USP20: variants seen among roughly 807,000 people sequenced by gnomAD.
USP20 encodes ubiquitin carboxyl-terminal hydrolase 20.
In USP20, 80 loss-of-function variants were observed where a neutral mutation model predicts 124.2. The ratio of observed to expected loss-of-function variants is 0.64; its 90% confidence interval spans 0.54 to 0.78. The LOEUF (loss-of-function observed/expected upper bound fraction) is 0.78. USP20 is among the 30% of genes least tolerant of loss of function. The pLI is 0.00. For missense variants in USP20, 1,043 were observed against 1,244.4 expected (o/e 0.84, Z 2.44); for synonymous variants, 481 against 512.3 (o/e 0.94, Z 0.83).
At chr9:129,840,102 C>A (rs1260418794) in intron 1 of USP20, among the ~76,000 whole-genome samples, 1 of 148,984 alleles carries the variant, frequency 6.7e-6, no homozygotes, top group Non-Finnish European at 1.5e-5. Flanking sequence ...GCGGGGCACA[C>A]GCTGCACCTT....
At position 129,862,830 on chromosome 9, in the gene USP20, C is replaced by T. The variant is rs371394815; in HGVS notation, c.498-356C>T. Among the ~76,000 whole-genome samples, 18 of 151,894 alleles carry T rather than the reference C, an allele frequency of 1.2e-4. No individual in the cohort carries two copies. The East Asian group carries it at 2.5e-3, about 21-fold the overall frequency. ...CTAAGGCAGGAGAAGCACTTGAACC[C>T]GGGAGGCAGAGGTTGCAATGAACCA... On this transcript the variant is annotated intron_variant, in intron 8 of 25. Transcript: ENST00000372429.
intron 1 of USP20, among the ~76,000 whole-genome samples, chr9:129,838,161 A>C (rs11794135): frequency 0.19 from 28,506 of 150,998 alleles, 3,202 homozygotes; most frequent in South Asian, 0.26. Context: ...CCTGCCTCAG[A>C]CTCCTGAGTA....
chr9:129,858,005 TC>T, intron 4 of USP20, 44 bp from the exon 5 acceptor site: 1 of 1,567,342 alleles, frequency 6.4e-7, no homozygotes, highest in Non-Finnish European at 8.8e-7. Flanking sequence ...GTTGACACCA[TC>T]CTTTTGGCAA....
At chr9:129,870,389 T>C (rs1469767620) in intron 14 of USP20, 64 bp from the exon 15 acceptor site, 2 of 1,540,744 alleles carry the variant, frequency 1.3e-6, no homozygotes, top group Non-Finnish European at 1.8e-6. Context: ...TCAGCCAGAG[T>C]CCCTTCAGCT....
intron 15 of USP20, among the ~76,000 whole-genome samples, chr9:129,872,821 T>C (rs77277642): frequency 0.027 from 4,143 of 152,234 alleles, 97 homozygotes; most frequent in Middle Eastern, 0.061. Flanking sequence ...GGGACCAGCC[T>C]GGGCAACATA....
Position 129,869,935 on chromosome 9 carries a change from T to G in USP20, c.1565+91T>G. 9 of 1,504,422 alleles carry G rather than the reference T, an allele frequency of 6.0e-6. No individual in the cohort carries two copies. The highest frequency in any genetic ancestry group is 8.1e-6 in the Non-Finnish European group (9 of 1,105,690). 93.2% of individuals were successfully genotyped at this position (1,504,422 alleles called of 1,614,324 possible). On this transcript the variant is annotated intron_variant, in intron 14 of 25. Transcript: ENST00000372429. ...ACAGTACACAGTGAAGTCCATGCAT[T>G]TGGGGAACCAGGGAGGTCCTGGGAG...
rs749697286 is a variant in USP20 at position 129,869,419 on chromosome 9, T to C, written c.1386T>C (p.Cys462=). ...TCAGCCTTGTGCAGTGTCTCACCTG[T>C]GACCGGGTGGGTGCCCCAGGGATGG... ...SILSLVQCLT[C]DRVSTTVETF... The change falls in exon 13 of 26, where the codon TGT becomes TGC. Residue 462 remains cysteine (C), a synonymous_variant. Coordinates refer to ENST00000372429, the MANE Select transcript of USP20 (RefSeq NM_001110303.4). The C allele has an allele frequency of 1.2e-6, 2 of 1,613,204 alleles. No individual in the cohort carries two copies. The highest frequency in any genetic ancestry group is 8.5e-7 in the Non-Finnish European group (1 of 1,179,718).
intron 15 of USP20, 112 bp downstream of exon 15, chr9:129,870,659 C>G (rs2034077473): frequency 8.3e-7 from 1 of 1,208,654 alleles, no homozygotes; most frequent in South Asian, 1.4e-5. Context: ...CACAGCCAGG[C>G]TAGACTTGGC....
At position 129,879,792 on chromosome 9, in the gene USP20, G is replaced by T; in HGVS notation, c.2584+148G>T. 1 of 945,484 alleles carries T rather than the reference G, an allele frequency of 1.1e-6. No homozygotes were observed. The highest frequency in any genetic ancestry group is 1.6e-5 in the South Asian group (1 of 61,882). 58.6% of individuals were successfully genotyped at this position (945,484 alleles called of 1,614,324 possible). On this transcript the variant is annotated intron_variant, in intron 24 of 25. Coordinates refer to ENST00000372429, the MANE Select transcript of USP20 (RefSeq NM_001110303.4). The surrounding 1 kb of genome is among the most constrained non-coding windows in gnomAD (Gnocchi z 4.2). ...CCTGAGTCCAGACCCAGGCGGCTGA[G>T]AGATGGCCCAAGGGGCTTGGTCTCT...
Position 129,875,488 on chromosome 9 carries a change from C to A in USP20, c.2218+9C>A. 1 of 1,612,036 alleles carries A rather than the reference C, an allele frequency of 6.2e-7. No individual in the cohort carries two copies. Among genetic ancestry groups the A allele is most frequent in the Non-Finnish European group, 8.5e-7 (1 of 1,178,842 alleles). ...CCTCTGCTCCCACGGAGGTGAGGCG[C>A]CCCCTGTGGTGGGAGAGCAGGGTGG... On this transcript the variant is annotated intron_variant, in intron 20 of 25. Coordinates refer to ENST00000372429, the MANE Select transcript of USP20 (RefSeq NM_001110303.4).
chr9:129,858,398 A>G, intron 5 of USP20, 69 bp from the exon 6 acceptor site: 2 of 1,603,056 alleles, frequency 1.2e-6, no homozygotes, highest in East Asian at 2.2e-5. Flanking sequence ...GGAGCGGAGC[A>G]GCCATTACAG....
chr9:129,836,840 G>A (rs1209347671), intron 1 of USP20, among the ~76,000 whole-genome samples: 1 of 152,046 alleles, frequency 6.6e-6, no homozygotes, highest in Non-Finnish European at 1.5e-5. Context: ...CCTGTCAGAT[G>A]ATGGAGAGGC....
At chr9:129,859,297 C>T (rs571730251) in intron 6 of USP20, among the ~76,000 whole-genome samples, 6 of 8,972 alleles carry the variant, frequency 6.7e-4, no homozygotes, top group South Asian at 7.9e-3. Flanking sequence ...TTTTTGAGAC[C>T]GAGTCTCGCT....
intron 1 of USP20, among the ~76,000 whole-genome samples, chr9:129,846,256 T>A (rs1277726466): frequency 1.2e-3 from 147 of 119,768 alleles, no homozygotes; most frequent in African/African-American, 4.4e-3. Flanking sequence ...TATTTTTTTT[T>A]TTTTTTTTTT....
Position 129,879,434 on chromosome 9 carries a change from G to T in USP20, c.2513-139G>T, listed in dbSNP as rs2034546289. On this transcript the variant is annotated intron_variant, in intron 23 of 25. Transcript: ENST00000372429. The surrounding 1 kb of genome is among the most constrained non-coding windows in gnomAD (Gnocchi z 4.2). ...CTCAGACTGCCACAGAGGAGCATTG[G>T]GTGGCTCAGGCGCCTCATCCATTAG... 1.3e-6 allele frequency: 1 copy of T among 752,484 alleles called. No homozygotes were observed. The allele number at this position is 752,484 out of a possible 1,614,324, so 46.6% of individuals were successfully genotyped here. A position where few individuals can be genotyped will look rare whatever the true frequency, so the allele number is the denominator to read the frequency against.
intron 1 of USP20, among the ~76,000 whole-genome samples, chr9:129,845,448 CAAAAGA>C (rs745993394): frequency 1.3e-5 from 2 of 151,934 alleles, no homozygotes; most frequent in African/African-American, 4.8e-5. Flanking sequence ...GTTTAACAGG[CAAAAGA>C]AAAAGAAAGA....
intron 8 of USP20, among the ~76,000 whole-genome samples, chr9:129,861,877 C>T (rs1174617930): frequency 6.6e-6 from 1 of 152,128 alleles, no homozygotes; most frequent in Non-Finnish European, 1.5e-5. Flanking sequence ...GGCCCATCTG[C>T]AAGAGAGTAT....
chr9:129,863,994 T>C (rs2033693248), intron 9 of USP20, among the ~76,000 whole-genome samples: 1 of 151,342 alleles, frequency 6.6e-6, no homozygotes, highest in Admixed American at 6.6e-5. Context: ...TAGTCCCAGC[T>C]ACTCGGGAGG....
chr9:129,835,498 A>T lies in USP20; in HGVS notation c.-130A>T, dbSNP rs2031739326. 2.8e-6 allele frequency: 1 copy of T among 355,864 alleles called. No homozygotes were observed. 22.0% of individuals were successfully genotyped at this position (355,864 alleles called of 1,614,324 possible). A position where few individuals can be genotyped will look rare whatever the true frequency, so the allele number is the denominator to read the frequency against. ...GCGGCGGCGGCGCAGTTGCGAGTGC[A>T]GGTGAGTTCCGGGCCGCCACCGGCT... On this transcript the variant is annotated splice_region_variant and 5_prime_UTR_variant, in exon 1 of 26. Transcript: ENST00000372429.
Sources: allele counts gnomAD v4.1 joint callset (sites outside exome capture counted in the v4.1 genomes callset), GRCh38; gene constraint gnomAD v4.1.1; non-coding constraint Gnocchi (gnomAD v3.1); transcripts MANE v1.5; gene names NCBI Gene and HGNC (gene_info 2026-07-23, HGNC 2026-07-21).